Variants in TMTC2 observed in about 807,000 individuals in gnomAD.
The protein encoded by TMTC2 is transmembrane O-mannosyltransferase targeting cadherins 2.
Under a neutral mutation model 82.4 loss-of-function variants are expected in TMTC2, and 43 were observed. The ratio of observed to expected loss-of-function variants is 0.52; its 90% CI spans 0.41 to 0.67. TMTC2 has a LOEUF of 0.67. Ranked by LOEUF, TMTC2 falls within the 30% of genes least tolerant of loss-of-function variation. TMTC2 has a pLI of 0.00. For synonymous variants in TMTC2, 408 were observed against 381.9 expected, an observed-to-expected ratio of 1.07 and a Z score of -0.80; for missense variants, 919 against 1,012.4, an observed-to-expected ratio of 0.91 and a Z score of 1.25.
chr12:83,101,732 G>A (rs11115587), intron 11 of TMTC2, among the ~76,000 whole-genome samples: 1 of 151,972 alleles, frequency 6.6e-6, no homozygotes, highest in African/African-American at 2.4e-5. Context: ...AGGGTCCAGA[G>A]ATCTCTGGAT....
chr12:83,013,516 T>C (rs1880549880), intron 8 of TMTC2, among the ~76,000 whole-genome samples: 1 of 152,218 alleles, frequency 6.6e-6, no homozygotes, highest in Non-Finnish European at 1.5e-5. Flanking sequence ...ATATAATGCC[T>C]TCTTTGCATT....
intron 8 of TMTC2, among the ~76,000 whole-genome samples, chr12:82,998,276 A>G (rs1414710275): frequency 6.6e-6 from 1 of 152,174 alleles, no homozygotes; most frequent in Non-Finnish European, 1.5e-5. Flanking sequence ...TCAGCATGGA[A>G]GTGCCAATGA....
At chr12:83,129,333 G>A (rs546669514) in intron 11 of TMTC2, among the ~76,000 whole-genome samples, 2 of 152,250 alleles carry the variant, frequency 1.3e-5, no homozygotes, top group South Asian at 4.2e-4. Context: ...TGTTTAATGA[G>A]TAACACACTG....
chr12:83,020,110 G>A (rs762961014), intron 8 of TMTC2, among the ~76,000 whole-genome samples: 1 of 152,102 alleles, frequency 6.6e-6, no homozygotes, highest in Non-Finnish European at 1.5e-5. Context: ...AACCTTCCTT[G>A]AGTATTTCCA....
intron 11 of TMTC2, among the ~76,000 whole-genome samples, chr12:83,073,665 G>A (rs1883190493): frequency 6.6e-6 from 1 of 151,892 alleles, no homozygotes; most frequent in Non-Finnish European, 1.5e-5. Flanking sequence ...TGGAGCCTTT[G>A]TTCATATATT....
Position 82,857,517 on chromosome 12 carries a change from A to T in TMTC2, c.591A>T (p.Ala197=). 1.2e-6 allele frequency: 2 copies of T among 1,614,104 alleles called. No individual in the cohort carries two copies. Among genetic ancestry groups the T allele is most frequent in the Non-Finnish European group, 1.7e-6 (2 of 1,180,000 alleles). The change falls in exon 2 of 12, where the codon GCA becomes GCT. Residue 197 remains alanine, a synonymous_variant. Transcript: ENST00000321196. ...EQGVTVLAVS[A]VYDVFVFHRL... is the part of the protein sequence containing the mutation. ...GAGTGACTGTTCTCGCAGTTTCAGC[A>T]GTTTATGATGTCTTTGTCTTTCACA...
At chr12:82,770,932 G>A (rs1877266881) in intron 1 of TMTC2, among the ~76,000 whole-genome samples, 1 of 152,110 alleles carries the variant, frequency 6.6e-6, no homozygotes, top group Non-Finnish European at 1.5e-5. Context: ...GTTGTTGCGG[G>A]GTGCAGTGGC....
intron 11 of TMTC2, among the ~76,000 whole-genome samples, chr12:83,109,621 A>G (rs1415197175): frequency 1.3e-5 from 2 of 152,182 alleles, no homozygotes; most frequent in African/African-American, 4.8e-5. Context: ...AGCCACACCC[A>G]GGACTTACAG....
At chr12:83,038,626 G>C (rs183070357) in intron 9 of TMTC2, among the ~76,000 whole-genome samples, 1 of 151,820 alleles carries the variant, frequency 6.6e-6, no homozygotes, top group African/African-American at 2.4e-5. Context: ...CCAAAATTAA[G>C]GTTATGAAAG....
chr12:83,099,836 TTTGCACATTACTA>T (rs1884154332), intron 11 of TMTC2, among the ~76,000 whole-genome samples: 1 of 152,172 alleles, frequency 6.6e-6, no homozygotes, highest in East Asian at 1.9e-4. Flanking sequence ...CATCTGGAAG[TTTGCACATTACTA>T]CTGAATTATT....
At chr12:82,699,836 A>G (rs1003845652) in intron 1 of TMTC2, among the ~76,000 whole-genome samples, 3 of 152,170 alleles carry the variant, frequency 2.0e-5, no homozygotes, top group African/African-American at 7.2e-5. Context: ...AGCCCTCCAC[A>G]TACCTGGGTT....
chr12:82,719,038 A>G (rs902580442), intron 1 of TMTC2, among the ~76,000 whole-genome samples: 1 of 137,806 alleles, frequency 7.3e-6, no homozygotes, highest in African/African-American at 2.8e-5. Context: ...GCTTAATACA[A>G]TTCTACAGCT....
intron 1 of TMTC2, among the ~76,000 whole-genome samples, chr12:82,690,058 A>G (rs1872513659): frequency 6.6e-6 from 1 of 152,188 alleles, no homozygotes; most frequent in Non-Finnish European, 1.5e-5. Flanking sequence ...GGAGCACTGA[A>G]CTTATTTGTT....
At chr12:82,894,051 GAA>G (rs1489200590) in intron 2 of TMTC2, among the ~76,000 whole-genome samples, 1 of 152,182 alleles carries the variant, frequency 6.6e-6, no homozygotes, top group Non-Finnish European at 1.5e-5. Flanking sequence ...CTATGAAGAA[GAA>G]ACTGGTTACG....
chr12:82,828,943 C>A (rs542106062), intron 1 of TMTC2, among the ~76,000 whole-genome samples: 12 of 151,916 alleles, frequency 7.9e-5, no homozygotes, highest in African/African-American at 2.2e-4. Context: ...CTCTTAGTAC[C>A]CTTAAAACGA....
intron 9 of TMTC2, among the ~76,000 whole-genome samples, chr12:83,037,587 A>C (rs184191321): frequency 1.3e-5 from 2 of 152,314 alleles, no homozygotes; most frequent in African/African-American, 4.8e-5. Flanking sequence ...AATTAAATTA[A>C]GGTTTTCCTA....
intron 11 of TMTC2, among the ~76,000 whole-genome samples, chr12:83,131,647 C>T (rs1885258657): frequency 6.6e-6 from 1 of 152,102 alleles, no homozygotes; most frequent in Non-Finnish European, 1.5e-5. Context: ...CCTTGTTGAA[C>T]AACTCAGGTT....
intron 8 of TMTC2, among the ~76,000 whole-genome samples, chr12:83,021,585 A>T (rs1880927030): frequency 7.9e-6 from 1 of 127,256 alleles, no homozygotes; most frequent in Admixed American, 8.4e-5. Context: ...ACAGAGTGAG[A>T]CCCCATCTAT....
chr12:83,113,163 T>G (rs1592500974), intron 11 of TMTC2, among the ~76,000 whole-genome samples: 1 of 152,254 alleles, frequency 6.6e-6, no homozygotes, highest in South Asian at 2.1e-4. Context: ...TGCTTCCTTT[T>G]TTATATTAAC....
Sources: allele counts gnomAD v4.1 joint callset (sites outside exome capture counted in the v4.1 genomes callset), GRCh38; gene constraint gnomAD v4.1.1; transcripts MANE v1.5; gene names NCBI Gene and HGNC (gene_info 2026-07-23, HGNC 2026-07-21).